The following HS6ST3 variants were observed in gnomAD, a reference collection of about 807,000 sequenced individuals.
HS6ST3 encodes the protein heparan-sulfate 6-O-sulfotransferase 3.
HS6ST3 carries 12 observed loss-of-function variants against 36.7 expected under a neutral mutation model. The ratio of observed to expected loss-of-function variants is 0.33; its 90% CI spans 0.21 to 0.53. The LOEUF is 0.53. Ranked by LOEUF, HS6ST3 falls within the 20% of genes least tolerant of loss-of-function variation. The probability of loss-of-function intolerance (pLI) is 0.95; values close to 1 mark genes in which losing one functional copy is unlikely to be tolerated. For missense variants in HS6ST3, 584 were observed against 640.9 expected (o/e 0.91, Z 0.96); for synonymous variants, 240 against 257.5 (o/e 0.93, Z 0.65).
intron 1 of HS6ST3, among the ~76,000 whole-genome samples, chr13:96,609,576 G>A (rs555928989): frequency 6.6e-6 from 1 of 152,166 alleles, no homozygotes; most frequent in South Asian, 2.1e-4. Flanking sequence ...TCTTATTGAC[G>A]AGGTCTCTGT....
chr13:96,383,857 A>G lies in HS6ST3; in HGVS notation c.707+292288A>G, dbSNP rs867150698. On this transcript the variant is annotated intron_variant, in intron 1 of 1. Coordinates refer to ENST00000376705, the MANE Select transcript of HS6ST3 (RefSeq NM_153456.4). ...CGAGGTTAGGTCAGAGGTCAGGATG[A>G]GGCCCAAGTTTGGGGGAGCCCTGAG... 2.6e-5 allele frequency among the ~76,000 whole-genome samples: 4 copies of G among 152,318 alleles called. No homozygotes were observed. In the South Asian group the frequency reaches 8.3e-4, roughly 32 times the overall value.
intron 1 of HS6ST3, among the ~76,000 whole-genome samples, chr13:96,252,246 G>C (rs1220805229): frequency 2.6e-5 from 4 of 152,138 alleles, no homozygotes; most frequent in African/African-American, 9.7e-5. Flanking sequence ...GTATTCTCTT[G>C]ATGAATTGAC....
intron 1 of HS6ST3, among the ~76,000 whole-genome samples, chr13:96,272,105 G>T (rs1014727030): frequency 2.0e-5 from 3 of 151,976 alleles, no homozygotes; most frequent in African/African-American, 4.8e-5. Flanking sequence ...TAAAGCAAAA[G>T]ATTTTTTTGG....
intron 1 of HS6ST3, among the ~76,000 whole-genome samples, chr13:96,464,163 C>CAAAAAAAAAAAAAAAAAA (rs1322172089): frequency 5.7e-3 from 370 of 64,564 alleles, no homozygotes; most frequent in Non-Finnish European, 9.4e-3. Flanking sequence ...AAAAAAAAAT[C>CAAAAAAAAAAAAAAAAAA]AAAGATCTGA....
intron 1 of HS6ST3, among the ~76,000 whole-genome samples, chr13:96,674,394 A>C (rs2056692225): frequency 6.6e-6 from 1 of 152,124 alleles, no homozygotes; most frequent in African/African-American, 2.4e-5. Flanking sequence ...GCAAGAACAG[A>C]CTAATACACT....
intron 1 of HS6ST3, among the ~76,000 whole-genome samples, chr13:96,410,879 A>G (rs1395567821): frequency 2.0e-5 from 3 of 152,220 alleles, no homozygotes; most frequent in Non-Finnish European, 4.4e-5. Flanking sequence ...CAAATTCCCT[A>G]CACTTTAGAA....
chr13:96,445,125 A>T (rs530191642), intron 1 of HS6ST3, among the ~76,000 whole-genome samples: 1 of 152,304 alleles, frequency 6.6e-6, no homozygotes, highest in East Asian at 1.9e-4. Context: ...AGGTTGTGGA[A>T]ATTGGAAAGA....
intron 1 of HS6ST3, among the ~76,000 whole-genome samples, chr13:96,426,513 G>A (rs2055587956): frequency 6.6e-6 from 1 of 152,192 alleles, no homozygotes; most frequent in Non-Finnish European, 1.5e-5. Flanking sequence ...CTCAAAAGTA[G>A]GAAAATGTTT....
At chr13:96,685,238 T>C (rs1022163425) in intron 1 of HS6ST3, among the ~76,000 whole-genome samples, 2 of 152,060 alleles carry the variant, frequency 1.3e-5, no homozygotes, top group African/African-American at 2.4e-5. Flanking sequence ...GGCCCAGATA[T>C]TGATTATTTT....
At chr13:96,341,202 C>T (rs963114348) in intron 1 of HS6ST3, among the ~76,000 whole-genome samples, 2 of 152,066 alleles carry the variant, frequency 1.3e-5, no homozygotes, top group East Asian at 1.9e-4. Context: ...ATTTTTACCT[C>T]TTCAATGTAT....
At chr13:96,414,060 A>T (rs937189725) in intron 1 of HS6ST3, among the ~76,000 whole-genome samples, 2 of 152,242 alleles carry the variant, frequency 1.3e-5, no homozygotes, top group African/African-American at 4.8e-5. Flanking sequence ...AAAGCCTTTC[A>T]GTGTTCTTTT....
chr13:96,391,155 C>T (rs1035555694), intron 1 of HS6ST3, among the ~76,000 whole-genome samples: 3 of 152,306 alleles, frequency 2.0e-5, no homozygotes, highest in African/African-American at 7.2e-5. Flanking sequence ...CTTCAAGATG[C>T]ACTTCATTCT....
chr13:96,306,134 T>G (rs1007867402), intron 1 of HS6ST3, among the ~76,000 whole-genome samples: 17 of 144,726 alleles, frequency 1.2e-4, no homozygotes, highest in African/African-American at 4.4e-4. Context: ...AGACAGAGTC[T>G]CGTTCTGTCA....
chr13:96,817,092 G>A (rs1211033740), intron 1 of HS6ST3, among the ~76,000 whole-genome samples: 1 of 151,126 alleles, frequency 6.6e-6, no homozygotes, highest in Non-Finnish European at 1.5e-5. Context: ...AATACCTCCA[G>A]AACTAATGGC....
chr13:96,437,396 T>C (rs2055648316), intron 1 of HS6ST3, among the ~76,000 whole-genome samples: 3 of 152,258 alleles, frequency 2.0e-5, no homozygotes, highest in African/African-American at 7.2e-5. Flanking sequence ...TTTGTCTTCT[T>C]TGAGTCTTAT....
At chr13:96,469,066 G>GT (rs879611332) in intron 1 of HS6ST3, among the ~76,000 whole-genome samples, 54 of 151,914 alleles carry the variant, frequency 3.6e-4, no homozygotes, top group Non-Finnish European at 5.7e-4. Flanking sequence ...TGGTAAGGAA[G>GT]TTTTTTTTCT....
intron 1 of HS6ST3, among the ~76,000 whole-genome samples, chr13:96,491,060 TA>T (rs2055942751): frequency 6.6e-6 from 1 of 152,212 alleles, no homozygotes; most frequent in African/African-American, 2.4e-5. Flanking sequence ...TGGGAGACCG[TA>T]GGGTATATGA....
intron 1 of HS6ST3, among the ~76,000 whole-genome samples, chr13:96,537,331 A>G (rs1036411779): frequency 2.0e-5 from 3 of 151,980 alleles, no homozygotes; most frequent in Non-Finnish European, 4.4e-5. Context: ...GGTCCCTCCC[A>G]CAACATGTGG....
At chr13:96,551,866 C>T (rs1341182216) in intron 1 of HS6ST3, among the ~76,000 whole-genome samples, 1 of 152,168 alleles carries the variant, frequency 6.6e-6, no homozygotes, top group Non-Finnish European at 1.5e-5. Context: ...CTGTATTGAC[C>T]TTGTATGTTC....
Sources: allele counts gnomAD v4.1 joint callset (sites outside exome capture counted in the v4.1 genomes callset), GRCh38; gene constraint gnomAD v4.1.1; transcripts MANE v1.5; gene names NCBI Gene and HGNC (gene_info 2026-07-23, HGNC 2026-07-21).